SOHLH2: variants seen among roughly 807,000 people sequenced by gnomAD.
SOHLH2 encodes spermatogenesis- and oogenesis-specific basic helix-loop-helix-containing protein 2.
SOHLH2 carries 22 observed loss-of-function variants against 50.4 expected under a neutral mutation model. The observed-to-expected ratio is 0.44, with a 90% CI of 0.31 to 0.62. The LOEUF (loss-of-function observed/expected upper bound fraction) is 0.62. Ranked by LOEUF, SOHLH2 falls within the 20% of genes least tolerant of loss-of-function variation. The pLI is 0.08. For synonymous variants in SOHLH2, 185 were observed against 187.3 expected, an observed-to-expected ratio of 0.99 and a Z score of 0.10; for missense variants, 412 against 504.4, an observed-to-expected ratio of 0.82 and a Z score of 1.76.
chr13:36,193,690 T>C lies in SOHLH2; in HGVS notation c.361A>G (p.Thr121Ala). Residue 121 changes from threonine (T) to alanine (A), a missense_variant, in exon 4 of 11, where the codon ACT becomes GCT. Transcript: ENST00000379881. ...ISGHGMDIALTEPLTMEKMSN... is the reference protein window; with the variant it reads ...ISGHGMDIALAEPLTMEKMSN... ...ATTTTTTCCATTGTCAGTGGTTCAG[T>C]TAAAGCAATATCCATTCCATGCCCT... The C allele has an allele frequency of 6.2e-7, 1 of 1,613,418 alleles. No homozygotes were observed. Among genetic ancestry groups the C allele is most frequent in the Middle Eastern group, 1.7e-4 (1 of 6,044 alleles).
At chr13:36,211,337 A>T (rs909627963) in intron 1 of SOHLH2, among the ~76,000 whole-genome samples, 1 of 152,162 alleles carries the variant, frequency 6.6e-6, no homozygotes. Flanking sequence ...CTGCCACTTT[A>T]TGTCTCTGCT....
chr13:36,193,788 T>A lies in SOHLH2; in HGVS notation c.325+18A>T, dbSNP rs772291863. ...CTATTTAGAGAAAAAACAAATACTA[T>A]ATTTAGCAGGTACATACCTTTAAAA... On this transcript the variant is annotated intron_variant, in intron 3 of 10. Transcript: ENST00000379881. The A allele has an allele frequency of 4.4e-6, 7 of 1,603,800 alleles. No individual in the cohort carries two copies. Among genetic ancestry groups the A allele is most frequent in the Non-Finnish European group, 5.9e-6 (7 of 1,177,556 alleles).
At chr13:36,173,290 G>C (rs1050852937) in intron 9 of SOHLH2, among the ~76,000 whole-genome samples, 1 of 144,902 alleles carries the variant, frequency 6.9e-6, no homozygotes. Context: ...ATACAGCAGA[G>C]AAAGTGGCTG....
At chr13:36,192,630 C>A (rs1373958236) in intron 4 of SOHLH2, among the ~76,000 whole-genome samples, 4 of 152,110 alleles carry the variant, frequency 2.6e-5, no homozygotes, top group African/African-American at 9.6e-5. Context: ...CTTAATTTTG[C>A]CAGCTTTATT....
At chr13:36,212,064 T>C (rs1205333956) in intron 1 of SOHLH2, among the ~76,000 whole-genome samples, 3 of 152,060 alleles carry the variant, frequency 2.0e-5, no homozygotes, top group Admixed American at 1.3e-4. Flanking sequence ...CTCGGCCTTT[T>C]GGGGGGAAAA....
intron 6 of SOHLH2, among the ~76,000 whole-genome samples, chr13:36,185,455 A>C (rs1405389141): frequency 6.6e-6 from 1 of 152,172 alleles, no homozygotes; most frequent in Non-Finnish European, 1.5e-5. Context: ...TGACAGAGCA[A>C]GACTCTGTCT....
intron 8 of SOHLH2, among the ~76,000 whole-genome samples, chr13:36,174,147 C>A (rs1420027034): frequency 1.3e-5 from 2 of 152,172 alleles, no homozygotes; most frequent in African/African-American, 4.8e-5. Flanking sequence ...GACCTCTCCA[C>A]AATGGAGGAA....
rs755193720 is a variant in SOHLH2 at position 36,189,998 on chromosome 13, C to T, written c.589G>A (p.Glu197Lys). 31 of 1,606,770 alleles carry T rather than the reference C, an allele frequency of 1.9e-5. No individual in the cohort carries two copies. Among genetic ancestry groups the T allele is most frequent in the African/African-American group, 1.5e-4 (11 of 74,660 alleles). ...AGAAGAGAGATCTTTTTGTTTTTCT[C>T]GAACTCTGACAACGAAGCATTTAAT... ...LELNASLSEF[E>K]KNKKISLLHS... Residue 197 changes from glutamate (E) to lysine (K), a missense_variant, in exon 6 of 11, where the codon GAG (glutamate) becomes AAG (lysine). Physicochemically the swap from Glu to Lys is moderately conservative, Grantham distance 56. Transcript: ENST00000379881.
chr13:36,211,826 G>A (rs964530278), intron 1 of SOHLH2, among the ~76,000 whole-genome samples: 9 of 152,204 alleles, frequency 5.9e-5, no homozygotes, highest in Non-Finnish European at 4.4e-5. Context: ...CACAGAAAAC[G>A]TCAAATCAAC....
intron 2 of SOHLH2, among the ~76,000 whole-genome samples, chr13:36,196,070 T>C (rs1483640446): frequency 6.7e-6 from 1 of 149,792 alleles, no homozygotes; most frequent in African/African-American, 2.5e-5. Flanking sequence ...TATATGAAAA[T>C]AAATATATAC....
chr13:36,184,459 C>CTTTTTTTTTTTTTTTTTTTTTTTTTTTT (rs764218457), intron 6 of SOHLH2, among the ~76,000 whole-genome samples: 2 of 81,688 alleles, frequency 2.4e-5, no homozygotes, highest in African/African-American at 9.8e-5. Flanking sequence ...CCTACAAAGA[C>CTTTTTTTTTTTTTTTTTTTTTTTTTTTT]CTTTTTTTTT....
intron 2 of SOHLH2, among the ~76,000 whole-genome samples, chr13:36,195,133 G>A (rs964615877): frequency 1.3e-5 from 2 of 152,064 alleles, no homozygotes; most frequent in African/African-American, 4.8e-5. Flanking sequence ...ATAATTTTAT[G>A]GCTGAAAATG....
intron 6 of SOHLH2, among the ~76,000 whole-genome samples, chr13:36,178,191 T>C (rs1887143838): frequency 1.3e-5 from 2 of 152,112 alleles, no homozygotes; most frequent in Non-Finnish European, 2.9e-5. Context: ...GATGAAGATA[T>C]AATTTTTAAC....
intron 6 of SOHLH2, among the ~76,000 whole-genome samples, chr13:36,180,719 G>A (rs190362202): frequency 6.5e-5 from 9 of 138,410 alleles, no homozygotes; most frequent in African/African-American, 1.1e-4. Flanking sequence ...ATTTAATTTC[G>A]TTGTGGTCAG....
At position 36,169,017 on chromosome 13, in the gene SOHLH2, A is replaced by C; in HGVS notation, c.*17T>G. The C allele has an allele frequency of 6.2e-7, 1 of 1,605,016 alleles. No individual in the cohort carries two copies. Among genetic ancestry groups the C allele is most frequent in the Non-Finnish European group, 8.5e-7 (1 of 1,177,266 alleles). ...GCCCAGTAGGTGGTTGAGAGTGTGA[A>C]TTTCAAACATGTGCTTTTAATACGC... On this transcript the variant is annotated 3_prime_UTR_variant, in exon 11 of 11. Coordinates refer to ENST00000379881, the MANE Select transcript of SOHLH2 (RefSeq NM_017826.3).
chr13:36,178,293 AT>A (rs943772373), intron 6 of SOHLH2, among the ~76,000 whole-genome samples: 1 of 146,630 alleles, frequency 6.8e-6, no homozygotes, highest in Non-Finnish European at 1.5e-5. Context: ...TCTTGAAATA[AT>A]TTTTTATATG....
chr13:36,169,795 A>T (rs1886912946), intron 10 of SOHLH2, among the ~76,000 whole-genome samples: 1 of 152,062 alleles, frequency 6.6e-6, no homozygotes, highest in Admixed American at 6.6e-5. Context: ...CCCTCTACCT[A>T]GCTATTCCTT....
At chr13:36,174,452 G>A in intron 8 of SOHLH2, 24 bp downstream of exon 8, 1 of 1,609,456 alleles carries the variant, frequency 6.2e-7, no homozygotes, top group Non-Finnish European at 8.5e-7. Flanking sequence ...GCAGACTTCA[G>A]ATTCGCAAAA....
At chr13:36,192,224 A>C (rs773464788) in intron 4 of SOHLH2, among the ~76,000 whole-genome samples, 2 of 152,124 alleles carry the variant, frequency 1.3e-5, no homozygotes, top group African/African-American at 2.4e-5. Context: ...GAGACAAAAA[A>C]CACGCATGAG....
Sources: gnomAD v4.1 joint callset for allele counts (sites outside exome capture counted in the v4.1 genomes callset) on GRCh38, gnomAD v4.1.1 for gene constraint, MANE v1.5 for transcripts, NCBI Gene and HGNC (gene_info 2026-07-23, HGNC 2026-07-21) for gene names.